ST14: variants seen among roughly 807,000 people sequenced by gnomAD.
The protein encoded by ST14 is ST14 transmembrane serine protease matriptase.
In ST14, 40 loss-of-function variants were observed where a neutral mutation model predicts 96.5. The observed-to-expected ratio is 0.41, with a 90% CI of 0.32 to 0.54. The LOEUF (loss-of-function observed/expected upper bound fraction) is 0.54, where lower values mean the gene tolerates loss of function less well. Ranked by LOEUF, ST14 falls within the 20% of genes least tolerant of loss-of-function variation. The probability of loss-of-function intolerance (pLI) is 0.17; values close to 1 mark genes in which losing one functional copy is unlikely to be tolerated. For synonymous variants in ST14, 506 were observed against 492.1 expected, an observed-to-expected ratio of 1.03 and a Z score of -0.37; for missense variants, 1,066 against 1,188.9, an observed-to-expected ratio of 0.90 and a Z score of 1.52.
intron 16 of ST14, among the ~76,000 whole-genome samples, chr11:130,204,441 G>A (rs1270652696): frequency 6.6e-6 from 1 of 152,242 alleles, no homozygotes; most frequent in Non-Finnish European, 1.5e-5. Context: ...ACAGTGAAGC[G>A]AGATTGGGCA....
chr11:130,181,942 C>T lies in ST14; in HGVS notation c.82-6172C>T, dbSNP rs932171145. Among the ~76,000 whole-genome samples, 9 of 152,236 alleles carry T rather than the reference C, an allele frequency of 5.9e-5. No individual in the cohort carries two copies. The highest frequency in any genetic ancestry group is 3.8e-4 in the East Asian group (2 of 5,196). On this transcript the variant is annotated intron_variant, in intron 1 of 18. Transcript: ENST00000278742. This position sits in a 1 kb window ranked among gnomAD's most constrained non-coding sequence, Gnocchi z 4.1. ...GAGCTAGCGCCACTGCTGACAGCCT[C>T]GCTCCGTGGCAGAGTCTGGGGTGAC... is the stretch of plus-strand genomic sequence containing the variant.
Position 130,194,637 on chromosome 11 carries a change from C to T in ST14, c.1016-3C>T, listed in dbSNP as rs777718909. On this transcript the variant is annotated splice_polypyrimidine_tract_variant and splice_region_variant and intron_variant, in intron 8 of 18. Transcript: ENST00000278742. ...TCTTGCTTTCTCCCACCTTCCCTCTCAGGCTGTGGAGGCCGCTTACGTAAA... is the reference window on the plus strand; with the variant it reads ...TCTTGCTTTCTCCCACCTTCCCTCTTAGGCTGTGGAGGCCGCTTACGTAAA... 1 of 1,614,170 alleles carries T rather than the reference C, an allele frequency of 6.2e-7. No individual in the cohort carries two copies. The highest frequency in any genetic ancestry group is 8.5e-7 in the Non-Finnish European group (1 of 1,179,992).
At position 130,208,618 on chromosome 11, in the gene ST14, G is replaced by A. The variant is rs766587084; in HGVS notation, c.2203G>A (p.Ala735Thr). The change falls in exon 17 of 19, where the codon GCC (alanine) becomes ACC (threonine). Residue 735 changes from alanine to threonine, a missense_variant. Physicochemically the swap from Ala to Thr is moderately conservative, Grantham distance 58. Transcript: ENST00000278742. ...SMVRPICLPD[A>T]SHVFPAGKAI... ...GGTGCGGCCCATCTGCCTGCCGGACGCCTCCCATGTCTTCCCTGCCGGCAA... is the reference window on the plus strand; with the variant it reads ...GGTGCGGCCCATCTGCCTGCCGGACACCTCCCATGTCTTCCCTGCCGGCAA... The A allele has an allele frequency of 6.2e-6, 10 of 1,613,866 alleles. No individual in the cohort carries two copies. In the South Asian group the frequency reaches 7.7e-5, roughly 12 times the overall value.
At chr11:130,194,869 TGTGTGTGC>T (rs1953344143) in intron 9 of ST14, 132 bp downstream of exon 9, 9 of 461,142 alleles carry the variant, frequency 2.0e-5, no homozygotes, top group South Asian at 3.8e-5. Context: ...TGTGTGTGTG[TGTGTGTGC>T]GTATGTGTGT....
intron 1 of ST14, among the ~76,000 whole-genome samples, chr11:130,180,128 G>A (rs1015404733): frequency 6.6e-6 from 1 of 152,202 alleles, no homozygotes; most frequent in African/African-American, 2.4e-5. Flanking sequence ...CCACAAATCA[G>A]TGGCACTTGG....
intron 11 of ST14, among the ~76,000 whole-genome samples, chr11:130,197,103 A>G (rs559579556): frequency 3.9e-4 from 60 of 152,350 alleles, no homozygotes; most frequent in African/African-American, 1.4e-3. Flanking sequence ...CATTGGCTGT[A>G]TGAGCAGTGG....
At chr11:130,200,233 G>A (rs1179985020) in intron 16 of ST14, 96 bp downstream of exon 16, 1 of 1,421,076 alleles carries the variant, frequency 7.0e-7, no homozygotes, top group African/African-American at 1.4e-5. Context: ...GGGCACTGGA[G>A]GGGTGGCCAC....
In ST14 at chr11:130,188,754, T is replaced by G; in HGVS notation, c.369+97T>G. The G allele has an allele frequency of 3.1e-6, 5 of 1,592,754 alleles. No individual in the cohort carries two copies. Among genetic ancestry groups the G allele is most frequent in the Non-Finnish European group, 4.3e-6 (5 of 1,162,150 alleles). On this transcript the variant is annotated intron_variant, in intron 3 of 18. Coordinates refer to ENST00000278742, the MANE Select transcript of ST14 (RefSeq NM_021978.4). This position sits in a 1 kb window ranked among gnomAD's most constrained non-coding sequence, Gnocchi z 5.4. ...TGCCTCGCCTGTGCTCCCAGGGCCCTGGGATGGGGGTGATCTGCAAAGGGG... is the reference window on the plus strand; with the variant it reads ...TGCCTCGCCTGTGCTCCCAGGGCCCGGGGATGGGGGTGATCTGCAAAGGGG...
chr11:130,190,278 C>T, intron 6 of ST14, 130 bp downstream of exon 6: 14 of 1,481,578 alleles, frequency 9.4e-6, no homozygotes, highest in Non-Finnish European at 1.3e-5. Flanking sequence ...TTTCCAGGCC[C>T]TTCCTCTTCC....
At chr11:130,204,161 G>A (rs920304360) in intron 16 of ST14, among the ~76,000 whole-genome samples, 3 of 152,216 alleles carry the variant, frequency 2.0e-5, no homozygotes, top group African/African-American at 7.2e-5. Flanking sequence ...CATGTACACT[G>A]TGAACCTGAA....
At chr11:130,182,295 T>A (rs183071926) in intron 1 of ST14, among the ~76,000 whole-genome samples, 1 of 152,262 alleles carries the variant, frequency 6.6e-6, no homozygotes, top group Non-Finnish European at 1.5e-5. Flanking sequence ...TTCATTACAT[T>A]TCTTTTTTTC....
At chr11:130,164,723 T>TATTATTA (rs2136200781) in intron 1 of ST14, among the ~76,000 whole-genome samples, 2 of 136,356 alleles carry the variant, frequency 1.5e-5, no homozygotes, top group Non-Finnish European at 3.0e-5. Flanking sequence ...CCAGCCTTAT[T>TATTATTA]ATTATTATTA....
At chr11:130,173,617 C>T (rs1473957623) in intron 1 of ST14, among the ~76,000 whole-genome samples, 1 of 150,520 alleles carries the variant, frequency 6.6e-6, no homozygotes, top group Admixed American at 6.6e-5. Flanking sequence ...AAAAATCAAA[C>T]ACCCTCCAAC....
At chr11:130,194,805 T>A (rs1043697288) in intron 9 of ST14, 68 bp downstream of exon 9, 1 of 1,428,432 alleles carries the variant, frequency 7.0e-7, no homozygotes, top group African/African-American at 1.4e-5. Context: ...TGTGTCTCCC[T>A]GTGCAGATGT....
chr11:130,162,778 C>A (rs1473758372), intron 1 of ST14, among the ~76,000 whole-genome samples: 1 of 152,190 alleles, frequency 6.6e-6, no homozygotes, highest in Non-Finnish European at 1.5e-5. Context: ...GTACTAGCTT[C>A]TCGATATGCA....
chr11:130,208,639 G>A lies in ST14; in HGVS notation c.2224G>A (p.Gly742Ser), dbSNP rs1332165467. The A allele has an allele frequency of 6.2e-7, 1 of 1,613,956 alleles. No homozygotes were observed. Among genetic ancestry groups the A allele is most frequent in the Non-Finnish European group, 8.5e-7 (1 of 1,179,960 alleles). The stretch of plus-strand genomic sequence containing the variant: ...GGACGCCTCCCATGTCTTCCCTGCC[G>A]GCAAGGCCATCTGGGTCACGGGCTG... ...LPDASHVFPA[G>S]KAIWVTGWGH... The change falls in exon 17 of 19, where the codon GGC becomes AGC. Residue 742 changes from glycine to serine, a missense_variant. Coordinates refer to ENST00000278742, the MANE Select transcript of ST14 (RefSeq NM_021978.4).
intron 6 of ST14, 32 bp from the exon 7 acceptor site, chr11:130,190,422 C>T (rs773762711): frequency 1.2e-6 from 2 of 1,604,054 alleles, no homozygotes; most frequent in African/African-American, 1.3e-5. Flanking sequence ...GCCCTGCCCC[C>T]ACACGTGCCC....
At chr11:130,164,113 G>A (rs938096810) in intron 1 of ST14, among the ~76,000 whole-genome samples, 3 of 152,206 alleles carry the variant, frequency 2.0e-5, no homozygotes, top group Admixed American at 6.5e-5. Context: ...TCTTTTAAAA[G>A]AGAAGTTGTC....
At chr11:130,183,347 T>C (rs1256105327) in intron 1 of ST14, among the ~76,000 whole-genome samples, 1 of 152,158 alleles carries the variant, frequency 6.6e-6, no homozygotes, top group East Asian at 1.9e-4. Context: ...ATGATTAGAC[T>C]ACCAGAGGCC....
Sources: gnomAD v4.1 joint callset for allele counts (sites outside exome capture counted in the v4.1 genomes callset) on GRCh38, gnomAD v4.1.1 for gene constraint, Gnocchi (gnomAD v3.1) non-coding constraint, MANE v1.5 for transcripts, NCBI Gene and HGNC (gene_info 2026-07-23, HGNC 2026-07-21) for gene names.